The following DCDC2 variants were observed in gnomAD, a reference collection of about 807,000 sequenced individuals.
DCDC2 encodes doublecortin domain-containing protein 2.
In DCDC2, 40 loss-of-function variants were observed where a neutral mutation model predicts 50.2. That is an observed-to-expected ratio of 0.80 (90% confidence interval 0.62 to 1.04). The LOEUF (loss-of-function observed/expected upper bound fraction) is 1.04, where lower values mean the gene tolerates loss of function less well. Ranked by LOEUF, DCDC2 falls within the 50% of genes least tolerant of loss-of-function variation. The pLI is 0.00. For missense variants in DCDC2, 570 were observed against 581.9 expected, an observed-to-expected ratio of 0.98 and a Z score of 0.21; for synonymous variants, 234 against 210.6, an observed-to-expected ratio of 1.11 and a Z score of -0.96.
intron 2 of DCDC2, among the ~76,000 whole-genome samples, chr6:24,307,220 G>T (rs139122736): frequency 1.0e-3 from 158 of 152,110 alleles, no homozygotes; most frequent in African/African-American, 3.5e-3. Flanking sequence ...CACTCACCAC[G>T]TCTTGAAAAC....
At chr6:24,207,974 C>A (rs775215867) in intron 7 of DCDC2, among the ~76,000 whole-genome samples, 1 of 152,126 alleles carries the variant, frequency 6.6e-6, no homozygotes, top group African/African-American at 2.4e-5. Flanking sequence ...TCTAACCAAC[C>A]CTGTATGTCA....
intron 2 of DCDC2, among the ~76,000 whole-genome samples, chr6:24,337,406 G>T (rs1760076269): frequency 6.6e-6 from 1 of 151,268 alleles, no homozygotes; most frequent in Non-Finnish European, 1.5e-5. Flanking sequence ...GTCCTATAGG[G>T]AATATTTGCA....
the DCDC2 span, among the ~76,000 whole-genome samples, chr6:24,379,251 C>G: frequency 6.6e-6 from 1 of 152,044 alleles, no homozygotes; most frequent in Non-Finnish European, 1.5e-5. Flanking sequence ...AGTGAACAGG[C>G]AACCTACAGA....
At chr6:24,319,467 T>A (rs1436068934) in intron 2 of DCDC2, among the ~76,000 whole-genome samples, 3 of 152,292 alleles carry the variant, frequency 2.0e-5, no homozygotes, top group African/African-American at 7.2e-5. Flanking sequence ...TGTCTACTTT[T>A]GTTTTGTTTT....
chr6:24,181,354 C>G (rs1761066175), intron 8 of DCDC2, among the ~76,000 whole-genome samples: 1 of 152,186 alleles, frequency 6.6e-6, no homozygotes, highest in South Asian at 2.1e-4. Flanking sequence ...CATTTCCAAT[C>G]TGCCCCACCA....
chr6:24,358,807 TATATATAAATATATATATTATA>T (rs1760540729), upstream of DCDC2, among the ~76,000 whole-genome samples: 2 of 36,724 alleles, frequency 5.4e-5, no homozygotes, highest in Admixed American at 5.8e-4. Context: ...TTTTATATAT[TATATATAAATATATATATTATA>T]TTTATATATA....
At position 24,283,034 on chromosome 6, in the gene DCDC2, G is replaced by A. The variant is rs189518459; in HGVS notation, c.760-4823C>T. ...TGATCCTGTAAACTACTGACCATAA[G>A]ATGTATAAGCCAAATGGTAATAAGG... On this transcript the variant is annotated intron_variant, in intron 6 of 9. Coordinates refer to ENST00000378454, the MANE Select transcript of DCDC2 (RefSeq NM_016356.5). Among the ~76,000 whole-genome samples, 262 of 152,278 alleles carry A rather than the reference G, an allele frequency of 1.7e-3. 3 individuals carry two copies. The highest frequency in any genetic ancestry group is 6.0e-3 in the African/African-American group (250 of 41,570).
chr6:24,188,429 A>T (rs1394787693), intron 8 of DCDC2, among the ~76,000 whole-genome samples: 1 of 151,762 alleles, frequency 6.6e-6, no homozygotes. Context: ...ATTTCTGGCC[A>T]TAAAGACAGT....
At chr6:24,239,796 G>T (rs1034804013) in intron 7 of DCDC2, among the ~76,000 whole-genome samples, 31 of 152,188 alleles carry the variant, frequency 2.0e-4, no homozygotes, top group Non-Finnish European at 3.1e-4. Flanking sequence ...AATGCAAAAA[G>T]AATTTTGTGG....
chr6:24,339,462 A>G (rs1760116390), intron 2 of DCDC2, among the ~76,000 whole-genome samples: 2 of 152,078 alleles, frequency 1.3e-5, no homozygotes, highest in African/African-American at 2.4e-5. Flanking sequence ...CATTTTTTTG[A>G]TGAAAGAATT....
At chr6:24,219,399 C>T (rs143565448) in intron 7 of DCDC2, among the ~76,000 whole-genome samples, 162 of 152,222 alleles carry the variant, frequency 1.1e-3, no homozygotes, top group African/African-American at 3.7e-3. Context: ...ACACGAGAAA[C>T]GGAGATATTT....
At chr6:24,367,612 G>T in the DCDC2 span, among the ~76,000 whole-genome samples, 1 of 152,182 alleles carries the variant, frequency 6.6e-6, no homozygotes, top group Non-Finnish European at 1.5e-5. Flanking sequence ...AAAATGTGAG[G>T]CAAAGAATTA....
chr6:24,259,149 G>A (rs1762956822), intron 7 of DCDC2, among the ~76,000 whole-genome samples: 1 of 151,704 alleles, frequency 6.6e-6, no homozygotes, highest in South Asian at 2.1e-4. Context: ...AAAACAGCAT[G>A]TAGGGGGAAT....
chr6:24,256,333 A>G lies in DCDC2; in HGVS notation c.922+21716T>C, dbSNP rs1762897808. Among the ~76,000 whole-genome samples the G allele has an allele frequency of 2.6e-5, 4 of 151,190 alleles. No homozygotes were observed. The South Asian group carries it at 8.3e-4, about 31-fold the overall frequency. On this transcript the variant is annotated intron_variant, in intron 7 of 9. Coordinates refer to ENST00000378454, the MANE Select transcript of DCDC2 (RefSeq NM_016356.5). ...CATTAGGTCTATTTCATCTGTGGACATTCATAAAAATACTTATGATTTAAG... is the reference window on the plus strand; with the variant it reads ...CATTAGGTCTATTTCATCTGTGGACGTTCATAAAAATACTTATGATTTAAG...
chr6:24,271,207 CAAAAAAA>C lies in DCDC2; in HGVS notation c.922+6835_922+6841del, dbSNP rs543819229. 1.8e-3 allele frequency among the ~76,000 whole-genome samples: 72 copies of C among 39,406 alleles called. 1 individual carries two copies. The highest frequency in any genetic ancestry group is 7.4e-3 in the African/African-American group (71 of 9,596). 25.9% of individuals were successfully genotyped at this position (39,406 alleles called of 152,430 possible). A position where few individuals can be genotyped will look rare whatever the true frequency, so the allele number is the denominator to read the frequency against. The stretch of plus-strand genomic sequence containing the variant: ...TGGGTGACAGAGTGAGACACTCCCT[CAAAAAAA>C]AAAAAAAAAAAGAGAGAGAGAGAGA... On this transcript the variant is annotated intron_variant, in intron 7 of 9. Transcript: ENST00000378454.
rs969227597 is a variant in DCDC2 at position 24,173,040 on chromosome 6, G to A, written c.*1690C>T. ...ATAATAAAGATCAATTGGTCTATTT[G>A]CCTACCAACCCAAGATTGTTGCTTA... On this transcript the variant is annotated 3_prime_UTR_variant, in exon 10 of 10. Coordinates refer to ENST00000378454, the MANE Select transcript of DCDC2 (RefSeq NM_016356.5). 1 of 135,976 alleles carries A rather than the reference G, an allele frequency of 7.4e-6. No homozygotes were observed. The highest frequency in any genetic ancestry group is 7.7e-5 in the Admixed American group (1 of 13,004). The allele number at this position is 135,976 out of a possible 1,614,324, so 8.4% of individuals were successfully genotyped here.
chr6:24,266,090 G>A (rs140523472), intron 7 of DCDC2, among the ~76,000 whole-genome samples: 76 of 152,136 alleles, frequency 5.0e-4, no homozygotes, highest in African/African-American at 1.8e-3. Flanking sequence ...ACATACACTG[G>A]GGAAAGGACA....
intron 8 of DCDC2, among the ~76,000 whole-genome samples, chr6:24,202,047 A>AATAG (rs1279238173): frequency 6.6e-6 from 1 of 152,178 alleles, no homozygotes; most frequent in East Asian, 1.9e-4. Flanking sequence ...GCTGAATTCT[A>AATAG]CCAGACATAT....
chr6:24,213,649 G>A (rs1761923071), intron 7 of DCDC2, among the ~76,000 whole-genome samples: 2 of 152,130 alleles, frequency 1.3e-5, no homozygotes, highest in African/African-American at 2.4e-5. Flanking sequence ...GATATAGATT[G>A]TTGTCATCAC....
Sources: allele counts gnomAD v4.1 joint callset (sites outside exome capture counted in the v4.1 genomes callset), GRCh38; gene constraint gnomAD v4.1.1; transcripts MANE v1.5; gene names NCBI Gene and HGNC (gene_info 2026-07-23, HGNC 2026-07-21).